The following ATF2 variants were observed in gnomAD, a reference collection of about 807,000 sequenced individuals.
ATF2 encodes activating transcription factor 2, also known as cyclic AMP-dependent transcription factor ATF-2.
A neutral mutation model predicts 60.6 loss-of-function variants in ATF2; 24 were observed. The ratio of observed to expected loss-of-function variants is 0.40; its 90% CI spans 0.29 to 0.56. The LOEUF is 0.56. Among genes scored for constraint, ATF2 ranks in the 20% least tolerant of loss-of-function variants. ATF2 has a pLI of 0.54. For missense variants in ATF2, 433 were observed against 607.7 expected (o/e 0.71, Z 3.02); for synonymous variants, 206 against 215.4 (o/e 0.96, Z 0.38).
rs183206457 is a variant in ATF2 at position 175,073,484 on chromosome 2, C to G, written c.*1125G>C. ...ACACACACACACGCGCACACACACACAGATACACACACACTCTCTCTCATT... is the reference window on the plus strand; with the variant it reads ...ACACACACACACGCGCACACACACAGAGATACACACACACTCTCTCTCATT... On this transcript the variant is annotated 3_prime_UTR_variant, in exon 14 of 14. Transcript: ENST00000264110. 4 of 152,182 alleles carry G rather than the reference C, an allele frequency of 2.6e-5. No homozygotes were observed. Among genetic ancestry groups the G allele is most frequent in the Non-Finnish European group, 5.9e-5 (4 of 67,998 alleles). The allele number at this position is 152,182 out of a possible 1,614,324, so 9.4% of individuals were successfully genotyped here. A position where few individuals can be genotyped will look rare whatever the true frequency, so the allele number is the denominator to read the frequency against.
At chr2:175,130,781 G>A (rs1213655017) in intron 3 of ATF2, among the ~76,000 whole-genome samples, 1 of 152,134 alleles carries the variant, frequency 6.6e-6, no homozygotes. Context: ...CCCAGCCTCA[G>A]GGAATCTCTC....
chr2:175,109,851 C>T (rs539407863), intron 10 of ATF2, among the ~76,000 whole-genome samples: 9 of 152,140 alleles, frequency 5.9e-5, no homozygotes, highest in East Asian at 1.9e-4. Flanking sequence ...AAAGCTCTGA[C>T]CTGAACATAC....
chr2:175,108,768 G>A (rs1223333973), intron 10 of ATF2, among the ~76,000 whole-genome samples: 2 of 145,652 alleles, frequency 1.4e-5, no homozygotes, highest in Non-Finnish European at 3.0e-5. Flanking sequence ...AGAGAAATCA[G>A]ATTGTTGCTG....
intron 10 of ATF2, among the ~76,000 whole-genome samples, chr2:175,108,772 GT>G (rs1411001256): frequency 2.1e-5 from 3 of 144,048 alleles, no homozygotes; most frequent in Admixed American, 1.4e-4. Context: ...AAATCAGATT[GT>G]TGCTGTATCT....
intron 2 of ATF2, among the ~76,000 whole-genome samples, chr2:175,141,101 A>ACACACAC (rs1222340016): frequency 2.7e-5 from 4 of 147,306 alleles, no homozygotes; most frequent in Admixed American, 6.8e-5. Flanking sequence ...ACACACACAC[A>ACACACAC]AATATCCTTA....
At chr2:175,141,995 A>G (rs1373889840) in intron 2 of ATF2, among the ~76,000 whole-genome samples, 1 of 152,160 alleles carries the variant, frequency 6.6e-6, no homozygotes, top group Non-Finnish European at 1.5e-5. Context: ...GAACAGAAAA[A>G]TAGGGAAGAG....
intron 13 of ATF2, 118 bp from the exon 14 acceptor site, chr2:175,074,953 G>A (rs1392076023): frequency 6.5e-7 from 1 of 1,529,518 alleles, no homozygotes; most frequent in Non-Finnish European, 8.8e-7. Context: ...GATTAGACAA[G>A]TTGGTATTAC....
At position 175,118,372 on chromosome 2, in the gene ATF2, GAAAT is replaced by G. The variant is rs761376929; in HGVS notation, c.200-7_200-4del. On this transcript the variant is annotated splice_region_variant and splice_polypyrimidine_tract_variant and intron_variant, in intron 5 of 13. Coordinates refer to ENST00000264110, the MANE Select transcript of ATF2 (RefSeq NM_001880.4). ...TCTTGTTGGTGTTGGGGTCTGATCT[GAAAT>G]AAATGTCAAGAAGTAATCATGCATA... The G allele has an allele frequency of 1.1e-5, 18 of 1,599,106 alleles. No individual in the cohort carries two copies. The highest frequency in any genetic ancestry group is 1.5e-5 in the Non-Finnish European group (18 of 1,171,642).
chr2:175,084,311 C>T (rs910140977), intron 12 of ATF2, among the ~76,000 whole-genome samples: 3 of 151,754 alleles, frequency 2.0e-5, no homozygotes, highest in South Asian at 2.1e-4. Context: ...TACTATGCAG[C>T]CATAAAAAAT....
intron 4 of ATF2, among the ~76,000 whole-genome samples, chr2:175,129,644 TA>T (rs147356434): frequency 4.0e-5 from 6 of 151,062 alleles, no homozygotes; most frequent in South Asian, 4.2e-4. Flanking sequence ...AGTGGGTTGT[TA>T]AAAAAAAACT....
chr2:175,114,915 C>T (rs748529180), intron 7 of ATF2, 47 bp from the exon 8 acceptor site: 1 of 1,581,422 alleles, frequency 6.3e-7, no homozygotes, highest in South Asian at 1.1e-5. Context: ...AAATACAAAT[C>T]ATGTACCTTA....
rs137945471 is a variant in ATF2 at position 175,078,515 on chromosome 2, T to C, written c.1291+2145A>G. On this transcript the variant is annotated intron_variant, in intron 13 of 13. Coordinates refer to ENST00000264110, the MANE Select transcript of ATF2 (RefSeq NM_001880.4). ...ACTTAACTGTTGGGGTGACTAACTG[T>C]CATGGTTTTCCCACGACTGAGGGGT... Among the ~76,000 whole-genome samples, 43 of 152,320 alleles carry C rather than the reference T, an allele frequency of 2.8e-4. 1 individual carries two copies. In the East Asian group the frequency reaches 7.7e-3, roughly 27 times the overall value.
intron 10 of ATF2, 120 bp from the exon 11 acceptor site, chr2:175,097,713 G>C (rs1695029031): frequency 3.9e-6 from 4 of 1,032,246 alleles, no homozygotes; most frequent in East Asian, 2.6e-5. Flanking sequence ...AGTACTACTA[G>C]AGGATTCTGT....
intron 5 of ATF2, among the ~76,000 whole-genome samples, chr2:175,120,596 TATATGAC>T (rs1361204668): frequency 1.3e-5 from 2 of 151,680 alleles, no homozygotes; most frequent in Non-Finnish European, 3.0e-5. Flanking sequence ...ATTCCAGACT[TATATGAC>T]ATATAACAAG....
At chr2:175,110,421 T>A (rs1446752484) in intron 10 of ATF2, among the ~76,000 whole-genome samples, 2 of 152,140 alleles carry the variant, frequency 1.3e-5, no homozygotes, top group Non-Finnish European at 2.9e-5. Flanking sequence ...AGCAAATAAC[T>A]GAAGCAAATA....
At chr2:175,127,668 C>G (rs1486420809) in intron 4 of ATF2, among the ~76,000 whole-genome samples, 2 of 152,210 alleles carry the variant, frequency 1.3e-5, no homozygotes, top group African/African-American at 2.4e-5. Context: ...TGTTCTTAAA[C>G]ACACCATACA....
intron 3 of ATF2, among the ~76,000 whole-genome samples, chr2:175,133,080 C>G (rs956206327): frequency 1.4e-4 from 21 of 150,284 alleles, no homozygotes; most frequent in African/African-American, 5.1e-4. Flanking sequence ...CAGAGTGAGA[C>G]TCTGTCTCAA....
At position 175,161,417 on chromosome 2, in the gene ATF2, T is replaced by A. The variant is rs555569501; in HGVS notation, c.-143+6633A>T. ...TAAGTTCTTGACACTGTATTAAGTA[T>A]TGTATATATATCACATGAATGCTCA... On this transcript the variant is annotated intron_variant, in intron 1 of 13. Transcript: ENST00000264110. Among the ~76,000 whole-genome samples the A allele has an allele frequency of 2.6e-5, 4 of 152,344 alleles. No individual in the cohort carries two copies. The East Asian group carries it at 7.7e-4, about 29-fold the overall frequency.
chr2:175,121,202 AG>A (rs1696934158), intron 5 of ATF2, among the ~76,000 whole-genome samples: 1 of 151,846 alleles, frequency 6.6e-6, no homozygotes, highest in African/African-American at 2.4e-5. Flanking sequence ...ATGTTCCCAG[AG>A]TTCTAATGAA....
Sources: allele counts gnomAD v4.1 joint callset (sites outside exome capture counted in the v4.1 genomes callset), GRCh38; gene constraint gnomAD v4.1.1; transcripts MANE v1.5; gene names NCBI Gene and HGNC (gene_info 2026-07-23, HGNC 2026-07-21).